The following HIVEP3 variants were observed in gnomAD, a reference collection of about 807,000 sequenced individuals.
HIVEP3 encodes transcription factor HIVEP3.
HIVEP3 carries 49 observed loss-of-function variants against 152.8 expected under a neutral mutation model. That is an observed-to-expected ratio of 0.32 (90% CI 0.26 to 0.41). The LOEUF is 0.41. Among genes scored for constraint, HIVEP3 ranks in the 10% least tolerant of loss-of-function variants. HIVEP3 has a pLI of 1.00. For synonymous variants in HIVEP3, 1,269 were observed against 1,289.0 expected (o/e 0.98, Z 0.33); for missense variants, 2,790 against 3,103.3 (o/e 0.90, Z 2.40).
chr1:41,731,324 AC>A (rs1471779146), intron 1 of HIVEP3, among the ~76,000 whole-genome samples: 1 of 151,740 alleles, frequency 6.6e-6, no homozygotes, highest in East Asian at 1.9e-4. Context: ...CCCTGAATCC[AC>A]CCCAGGGCCC....
chr1:41,960,617 C>T (rs1269608932), intron 1 of HIVEP3, among the ~76,000 whole-genome samples: 4 of 152,184 alleles, frequency 2.6e-5, no homozygotes, highest in Non-Finnish European at 4.4e-5. Context: ...TCTTCTCTGT[C>T]CTATACTGCT....
At position 41,513,224 on chromosome 1, in the gene HIVEP3, C is replaced by T. The variant is rs371202153; in HGVS notation, c.5997G>A (p.Pro1999=). Residue 1999 remains proline, a synonymous_variant, in exon 8 of 9, where the codon CCG becomes CCA. Coordinates refer to ENST00000372583, the MANE Select transcript of HIVEP3 (RefSeq NM_024503.5). The part of the protein sequence containing the change: ...KNDSSPQRCS[P]AREPQASAPS... ...GGGCTGAGGCCTGTGGTTCTCGGGC[C>T]GGGGAGCATCGCTGGGGAGATGAGT... 6.8e-5 allele frequency: 109 copies of T among 1,613,460 alleles called. No homozygotes were observed. Among genetic ancestry groups the T allele is most frequent in the Non-Finnish European group, 8.0e-5 (94 of 1,179,912 alleles).
At chr1:41,640,679 C>T (rs766910504) in intron 2 of HIVEP3, among the ~76,000 whole-genome samples, 2 of 152,160 alleles carry the variant, frequency 1.3e-5, no homozygotes, top group Non-Finnish European at 2.9e-5. Flanking sequence ...TAAATCTCCC[C>T]GGGTTGTAGA....
At chr1:41,799,812 A>G (rs1650200210) in intron 1 of HIVEP3, among the ~76,000 whole-genome samples, 1 of 151,982 alleles carries the variant, frequency 6.6e-6, no homozygotes, top group Admixed American at 6.5e-5. Context: ...CCCCAACCCC[A>G]AGCATACAGG....
rs114497212 is a variant in HIVEP3, at chr1:41,682,044, C to T, written c.-721+18872G>A. ...GGAAAAGCTCTTCCCCAAGGGTCTC[C>T]GCGGATATCACTTGTGCCAGCCCAA... is the stretch of plus-strand genomic sequence containing the variant. On this transcript the variant is annotated intron_variant, in intron 2 of 8. Transcript: ENST00000372583. 4.1e-3 allele frequency among the ~76,000 whole-genome samples: 624 copies of T among 152,162 alleles called. 3 individuals are homozygous for T. The highest frequency in any genetic ancestry group is 6.0e-3 in the Non-Finnish European group (405 of 68,018).
chr1:41,694,399 A>G (rs1164711672), intron 2 of HIVEP3, among the ~76,000 whole-genome samples: 1 of 152,120 alleles, frequency 6.6e-6, no homozygotes, highest in African/African-American at 2.4e-5. Context: ...GCCTATTTAT[A>G]CATTTCCTAC....
chr1:41,783,844 G>A (rs570269997), intron 1 of HIVEP3, among the ~76,000 whole-genome samples: 81 of 152,312 alleles, frequency 5.3e-4, no homozygotes, highest in African/African-American at 1.9e-3. Flanking sequence ...TCTGGCAATG[G>A]TCTGTTAGGA....
rs142380524 is a variant in HIVEP3 at position 41,580,448 on chromosome 1, C to T, written c.4350G>A (p.Val1450=). 284 of 1,614,092 alleles carry T rather than the reference C, an allele frequency of 1.8e-4. No individual in the cohort carries two copies. The highest frequency in any genetic ancestry group is 2.2e-4 in the Non-Finnish European group (265 of 1,180,048). Reference sequence around the variant, plus strand: ...CTGCCTTGGAAGCCTCCTCCTCCTTCACTCTTTTTTGCTGCTGGGTTTCCA... The same window carrying T: ...CTGCCTTGGAAGCCTCCTCCTCCTTTACTCTTTTTTGCTGCTGGGTTTCCA... The part of the protein sequence containing the change: ...LTMETQQQKR[V]KEEEASKADE... The change falls in exon 4 of 9, where the codon GTG becomes GTA. Residue 1450 remains valine (V), a synonymous_variant. Transcript: ENST00000372583.
chr1:41,827,312 A>G (rs1642833210), intron 1 of HIVEP3, among the ~76,000 whole-genome samples: 1 of 152,202 alleles, frequency 6.6e-6, no homozygotes, highest in Non-Finnish European at 1.5e-5. Context: ...ACAGCCTGAC[A>G]GTTTTTGTGA....
chr1:41,751,299 T>G (rs530726902), intron 1 of HIVEP3, among the ~76,000 whole-genome samples: 2 of 146,910 alleles, frequency 1.4e-5, no homozygotes, highest in Admixed American at 6.9e-5. Context: ...ACCCTTTGAA[T>G]TCATCCCGAG....
At chr1:41,716,432 C>A (rs931655287) in intron 1 of HIVEP3, among the ~76,000 whole-genome samples, 2 of 152,208 alleles carry the variant, frequency 1.3e-5, no homozygotes, top group Non-Finnish European at 1.5e-5. Context: ...TCAGCACTTC[C>A]CACAGGCTGG....
At chr1:41,819,668 TTATTGATTTCTGA>T (rs1316348829) in intron 1 of HIVEP3, among the ~76,000 whole-genome samples, 1 of 152,208 alleles carries the variant, frequency 6.6e-6, no homozygotes, top group East Asian at 1.9e-4. Context: ...TATCTTTTAA[TTATTGATTTCTGA>T]TTGAATTGCT....
chr1:41,761,710 T>C (rs966930464), intron 1 of HIVEP3, among the ~76,000 whole-genome samples: 1 of 152,128 alleles, frequency 6.6e-6, no homozygotes, highest in Non-Finnish European at 1.5e-5. Context: ...TGTGCATGTA[T>C]ATGCATGTGT....
At chr1:41,652,742 A>C (rs2124019700) in intron 2 of HIVEP3, among the ~76,000 whole-genome samples, 1 of 152,250 alleles carries the variant, frequency 6.6e-6, no homozygotes, top group African/African-American at 2.4e-5. Context: ...TAACAAACAC[A>C]CCTGTGTATA....
chr1:41,691,515 G>A (rs570614601), intron 2 of HIVEP3, among the ~76,000 whole-genome samples: 113 of 152,260 alleles, frequency 7.4e-4, no homozygotes, highest in Admixed American at 7.1e-3. Context: ...CTTCATGAAC[G>A]GGATTAGTGC....
At chr1:41,527,034 CCT>C (rs1228083288) in intron 5 of HIVEP3, among the ~76,000 whole-genome samples, 1 of 69,736 alleles carries the variant, frequency 1.4e-5, no homozygotes, top group Admixed American at 1.4e-4. Flanking sequence ...CACCCCCCAC[CCT>C]CACACACCCT....
At chr1:42,019,083 T>C (rs1645539563) in intron 1 of HIVEP3, among the ~76,000 whole-genome samples, 1 of 152,042 alleles carries the variant, frequency 6.6e-6, no homozygotes, top group African/African-American at 2.4e-5. Flanking sequence ...TTATATTTCC[T>C]CCCCAATAGG....
intron 3 of HIVEP3, among the ~76,000 whole-genome samples, chr1:41,620,200 G>A (rs1198598297): frequency 6.6e-6 from 1 of 152,192 alleles, no homozygotes; most frequent in South Asian, 2.1e-4. Flanking sequence ...CCTGACAGGT[G>A]GCACAGGTGG....
At chr1:41,827,908 C>G (rs1006708253) in intron 1 of HIVEP3, among the ~76,000 whole-genome samples, 1 of 151,708 alleles carries the variant, frequency 6.6e-6, no homozygotes, top group Non-Finnish European at 1.5e-5. Context: ...AGAGGAGGAC[C>G]CCAGAGGGAC....
Sources: gnomAD v4.1 joint callset for allele counts (sites outside exome capture counted in the v4.1 genomes callset) on GRCh38, gnomAD v4.1.1 for gene constraint, MANE v1.5 for transcripts, NCBI Gene and HGNC (gene_info 2026-07-23, HGNC 2026-07-21) for gene names.